The following CHN2 variants were observed in gnomAD, a reference collection of about 807,000 sequenced individuals.
CHN2 encodes beta-chimaerin.
Under a neutral mutation model 56.3 loss-of-function variants are expected in CHN2, and 35 were observed. That is an observed-to-expected ratio of 0.62 (90% CI 0.47 to 0.82). The LOEUF (loss-of-function observed/expected upper bound fraction) is 0.82. CHN2 is among the 40% of genes least tolerant of loss of function. CHN2 has a pLI of 0.00. For missense variants in CHN2, 491 were observed against 580.5 expected, an observed-to-expected ratio of 0.85 and a Z score of 1.58; for synonymous variants, 210 against 212.8, an observed-to-expected ratio of 0.99 and a Z score of 0.12.
intron 1 of CHN2, among the ~76,000 whole-genome samples, chr7:29,333,248 C>T (rs1245651585): frequency 2.0e-5 from 3 of 152,176 alleles, no homozygotes; most frequent in East Asian, 1.9e-4. Context: ...CCATCCTCCA[C>T]GGCTGTCCCA....
At chr7:29,449,728 T>C in intron 6 of CHN2, among the ~76,000 whole-genome samples, 1 of 152,176 alleles carries the variant, frequency 6.6e-6, no homozygotes, top group East Asian at 1.9e-4. Flanking sequence ...ATTATAGTGG[T>C]TGGGCATTGA....
At chr7:29,422,929 G>C (rs1286257888) in intron 6 of CHN2, among the ~76,000 whole-genome samples, 1 of 152,152 alleles carries the variant, frequency 6.6e-6, no homozygotes, top group Non-Finnish European at 1.5e-5. Context: ...TAGAGAAAAA[G>C]CTTCCATGTT....
intron 1 of CHN2, among the ~76,000 whole-genome samples, chr7:29,287,904 TG>T (rs1792282648): frequency 1.3e-5 from 2 of 152,330 alleles, no homozygotes; most frequent in South Asian, 2.1e-4. Context: ...TGCTTGCATT[TG>T]TTTGCAATTT....
chr7:29,344,554 C>G (rs1414699171), intron 1 of CHN2, among the ~76,000 whole-genome samples: 1 of 152,154 alleles, frequency 6.6e-6, no homozygotes, highest in African/African-American at 2.4e-5. Flanking sequence ...CTGGTTCCTG[C>G]AGGCCACACC....
intron 1 of CHN2, among the ~76,000 whole-genome samples, chr7:29,246,039 C>T (rs574057240): frequency 2.1e-4 from 32 of 152,174 alleles, no homozygotes; most frequent in African/African-American, 7.5e-4. Context: ...TAAAATGTGA[C>T]GAGGGAATTT....
At chr7:29,414,189 A>C (rs1297758359) in intron 6 of CHN2, among the ~76,000 whole-genome samples, 1 of 152,126 alleles carries the variant, frequency 6.6e-6, no homozygotes, top group Non-Finnish European at 1.5e-5. Flanking sequence ...AGATGAGAGG[A>C]AACTGAAATT....
chr7:29,385,028 G>A (rs7804414), intron 3 of CHN2, among the ~76,000 whole-genome samples: 82,732 of 152,054 alleles, frequency 0.54, 26,342 homozygotes, highest in East Asian at 0.7. Context: ...GTTTAACCTC[G>A]TTTAAAATTT....
At chr7:29,438,457 A>T (rs1420624173) in intron 6 of CHN2, among the ~76,000 whole-genome samples, 1 of 152,182 alleles carries the variant, frequency 6.6e-6, no homozygotes, top group African/African-American at 2.4e-5. Flanking sequence ...CATTGGATGG[A>T]TGCACTGTAA....
At chr7:29,294,027 C>T (rs1477063470) in intron 1 of CHN2, among the ~76,000 whole-genome samples, 1 of 152,008 alleles carries the variant, frequency 6.6e-6, no homozygotes, top group Non-Finnish European at 1.5e-5. Flanking sequence ...CCACCACGCC[C>T]AGCTAATTTT....
intron 1 of CHN2, among the ~76,000 whole-genome samples, chr7:29,250,707 T>C (rs762567466): frequency 1.4e-5 from 2 of 141,308 alleles, no homozygotes; most frequent in African/African-American, 2.6e-5. Flanking sequence ...TACCTGAACT[T>C]CTTCTTTTTT....
intron 6 of CHN2, chr7:29,445,081 T>G (rs1412073761): frequency 2.2e-6 from 1 of 454,896 alleles, no homozygotes; most frequent in Admixed American, 2.4e-5. Context: ...TCCCAGCTGG[T>G]ATGTTTGGTT....
chr7:29,510,044 G>A (rs1221017139), intron 12 of CHN2, among the ~76,000 whole-genome samples: 1 of 152,014 alleles, frequency 6.6e-6, no homozygotes, highest in African/African-American at 2.4e-5. Context: ...TCTGTGTCCT[G>A]TTCATCCCCC....
intron 6 of CHN2, among the ~76,000 whole-genome samples, chr7:29,473,235 C>T (rs1174969838): frequency 2.0e-5 from 3 of 152,158 alleles, no homozygotes; most frequent in Non-Finnish European, 4.4e-5. Flanking sequence ...TTTGAAACAA[C>T]GTTAATTCCT....
intron 1 of CHN2, among the ~76,000 whole-genome samples, chr7:29,225,892 TA>T (rs1168219347): frequency 1.3e-5 from 2 of 152,208 alleles, no homozygotes; most frequent in African/African-American, 2.4e-5. Context: ...GGCATGGGAT[TA>T]GGCGTTTATT....
At chr7:29,263,546 C>T (rs1020306636) in intron 1 of CHN2, among the ~76,000 whole-genome samples, 19 of 148,626 alleles carry the variant, frequency 1.3e-4, no homozygotes, top group Middle Eastern at 3.7e-3. Context: ...AAGTGAGGAG[C>T]GCCTCTTTCC....
At chr7:29,358,572 C>T (rs972631971) in intron 2 of CHN2, among the ~76,000 whole-genome samples, 3 of 152,070 alleles carry the variant, frequency 2.0e-5, no homozygotes, top group Non-Finnish European at 4.4e-5. Context: ...ACGCCATTCT[C>T]CTGCCTCAGC....
chr7:29,425,878 G>A (rs972333482), intron 6 of CHN2, among the ~76,000 whole-genome samples: 2 of 152,096 alleles, frequency 1.3e-5, no homozygotes, highest in African/African-American at 2.4e-5. Flanking sequence ...CATGAATGTG[G>A]TATTTAACTC....
intron 1 of CHN2, among the ~76,000 whole-genome samples, chr7:29,258,869 T>C (rs1006587519): frequency 1.1e-4 from 17 of 152,364 alleles, no homozygotes; most frequent in Middle Eastern, 6.8e-3. Context: ...CACTTCCATC[T>C]TTCTATCTTT....
intron 1 of CHN2, among the ~76,000 whole-genome samples, chr7:29,205,879 C>T (rs1268631645): frequency 6.6e-6 from 1 of 152,072 alleles, no homozygotes; most frequent in Non-Finnish European, 1.5e-5. Flanking sequence ...TCAGTAATAG[C>T]GTAGCCACAT....
Sources: gnomAD v4.1 joint callset for allele counts (sites outside exome capture counted in the v4.1 genomes callset) on GRCh38, gnomAD v4.1.1 for gene constraint, MANE v1.5 for transcripts, NCBI Gene and HGNC (gene_info 2026-07-23, HGNC 2026-07-21) for gene names.